UBE2D3: variants seen among roughly 807,000 people sequenced by gnomAD.
The protein encoded by UBE2D3 is ubiquitin-conjugating enzyme E2 D3.
Under a neutral mutation model 22.8 loss-of-function variants are expected in UBE2D3, and 2 were observed. The ratio of observed to expected loss-of-function variants is 0.09; its 90% confidence interval spans 0.04 to 0.28. The LOEUF is 0.28. Among genes scored for constraint, UBE2D3 ranks in the 10% least tolerant of loss-of-function variants. UBE2D3 has a pLI of 1.00. For missense variants in UBE2D3, 27 were observed against 182.5 expected, an observed-to-expected ratio of 0.15 and a Z score of 4.91; for synonymous variants, 56 against 60.4, an observed-to-expected ratio of 0.93 and a Z score of 0.34.
In UBE2D3 at chr4:102,797,475, GT is replaced by G; in HGVS notation, c.399-16del. 6.3e-7 allele frequency: 1 copy of G among 1,586,428 alleles called. No homozygotes were observed. Among genetic ancestry groups the G allele is most frequent in the Non-Finnish European group, 8.6e-7 (1 of 1,163,676 alleles). ...TTCTGTTGTACCTGTAAATAAAGAT[GT>G]TATTTTTAAAAGTTAAAATAAAGAA... On this transcript the variant is annotated splice_polypyrimidine_tract_variant and intron_variant, in intron 7 of 7. Coordinates refer to ENST00000453744, the MANE Select transcript of UBE2D3 (RefSeq NM_181891.3).
Position 102,824,573 on chromosome 4 carries a change from T to C in UBE2D3, c.24+1912A>G, listed in dbSNP as rs1322446692. On this transcript the variant is annotated intron_variant, in intron 2 of 7. Transcript: ENST00000453744. ...CAGAGCTAGAATTCTAACTGGAGCATTTCTGCTCCAATGTTTACACTCTTA... is the reference window on the plus strand; with the variant it reads ...CAGAGCTAGAATTCTAACTGGAGCACTTCTGCTCCAATGTTTACACTCTTA... 2.6e-5 allele frequency among the ~76,000 whole-genome samples: 4 copies of C among 152,362 alleles called. No individual in the cohort carries two copies. The East Asian group carries it at 7.7e-4, about 29-fold the overall frequency.
chr4:102,803,650 T>C (rs1726554924), intron 4 of UBE2D3, among the ~76,000 whole-genome samples: 2 of 152,346 alleles, frequency 1.3e-5, no homozygotes, highest in Non-Finnish European at 1.5e-5. Context: ...ACATGTAAAG[T>C]AACTGCAATG....
At chr4:102,803,866 T>TCAAGCAACTCTCCTGCCTC (rs1266241070) in intron 4 of UBE2D3, among the ~76,000 whole-genome samples, 1 of 152,174 alleles carries the variant, frequency 6.6e-6, no homozygotes, top group Non-Finnish European at 1.5e-5. Flanking sequence ...CCTCCTGGGT[T>TCAAGCAACTCTCCTGCCTC]CAAGCAACTC....
intron 2 of UBE2D3, chr4:102,811,093 T>G (rs904256797): frequency 1.3e-5 from 2 of 152,222 alleles, no homozygotes. Context: ...CTCATGCCTG[T>G]AATCCTAACA....
intron 2 of UBE2D3, chr4:102,810,434 C>T (rs1265086617): frequency 1.5e-5 from 2 of 134,594 alleles, no homozygotes; most frequent in African/African-American, 5.8e-5. Context: ...TTTTTTGAGA[C>T]GGAGTCTCCA....
At chr4:102,820,986 G>C (rs139845645) in intron 2 of UBE2D3, among the ~76,000 whole-genome samples, 16 of 152,258 alleles carry the variant, frequency 1.1e-4, no homozygotes, top group South Asian at 1.0e-3. Context: ...ATAAAAATCA[G>C]ATGTTTCAAC....
intron 1 of UBE2D3, among the ~76,000 whole-genome samples, chr4:102,841,300 A>C (rs1375820636): frequency 6.6e-6 from 1 of 152,194 alleles, no homozygotes; most frequent in East Asian, 1.9e-4. Context: ...TATATGTAAT[A>C]GGAAGCTATT....
chr4:102,853,135 ATTTTTTTTTT>A lies in UBE2D3; in HGVS notation c.-129+15570_-129+15579del, dbSNP rs151339235. ...GTCAAAATTACACACAAACACACAC[ATTTTTTTTTT>A]TTTTTTTTTTTTTTTGAGACGGAGT... On this transcript the variant is annotated intron_variant, in intron 1 of 7. Transcript: ENST00000338145. Among the ~76,000 whole-genome samples the A allele has an allele frequency of 6.2e-4, 55 of 88,608 alleles. 3 individuals carry two copies. Among genetic ancestry groups the A allele is most frequent in the African/African-American group, 2.5e-3 (52 of 21,088 alleles). 58.1% of individuals were successfully genotyped at this position (88,608 alleles called of 152,430 possible).
In UBE2D3 at chr4:102,865,211, C is replaced by T. The variant is rs529391533; in HGVS notation, c.-129+3504G>A. Among the ~76,000 whole-genome samples, 8 of 152,070 alleles carry T rather than the reference C, an allele frequency of 5.3e-5. No individual in the cohort carries two copies. The South Asian group carries it at 1.5e-3, about 28-fold the overall frequency. ...ATTTCAGTATAAAAACAGACATACA[C>T]GGCCAGGCACGGTGGCTCACGCCTG... is the stretch of plus-strand genomic sequence containing the variant. On this transcript the variant is annotated intron_variant, in intron 1 of 7. Transcript: ENST00000338145.
intron 4 of UBE2D3, among the ~76,000 whole-genome samples, chr4:102,805,900 C>CTCA (rs1053629548): frequency 1.3e-5 from 2 of 152,160 alleles, no homozygotes; most frequent in Non-Finnish European, 2.9e-5. Context: ...AAACCAGGAT[C>CTCA]TCATCATCAA....
At chr4:102,847,884 G>A (rs575716646) in intron 1 of UBE2D3, among the ~76,000 whole-genome samples, 35 of 152,140 alleles carry the variant, frequency 2.3e-4, no homozygotes, top group Middle Eastern at 3.4e-3. Context: ...GGCTTCAAGA[G>A]ATCCTCCCAC....
At position 102,794,723 on chromosome 4, in the gene UBE2D3, G is replaced by A. The variant is rs1312185119; in HGVS notation, c.*2692C>T. 6.6e-6 allele frequency: 1 copy of A among 151,614 alleles called. No individual in the cohort carries two copies. Among genetic ancestry groups the A allele is most frequent in the African/African-American group, 2.4e-5 (1 of 41,272 alleles). 9.4% of individuals were successfully genotyped at this position (151,614 alleles called of 1,614,324 possible). On this transcript the variant is annotated 3_prime_UTR_variant, in exon 8 of 8. Coordinates refer to ENST00000453744, the MANE Select transcript of UBE2D3 (RefSeq NM_181891.3). ...ACCCCTGAGACCACTAGTTAACTGT[G>A]GTTCATACTTTAAAATGTGAGTACA... is the stretch of plus-strand genomic sequence containing the variant.
upstream of UBE2D3, chr4:102,827,984 G>T (rs1730854783): frequency 2.0e-6 from 2 of 985,362 alleles, no homozygotes; most frequent in Admixed American, 6.1e-5. Flanking sequence ...CTTCGTGGCT[G>T]GCTAACCGAA....
At chr4:102,834,765 T>A (rs183603620) in intron 1 of UBE2D3, among the ~76,000 whole-genome samples, 4 of 151,194 alleles carry the variant, frequency 2.6e-5, no homozygotes, top group Non-Finnish European at 5.9e-5. Context: ...AAAAAAAGAT[T>A]CAACTTTTTT....
chr4:102,819,336 A>C (rs529827746), intron 2 of UBE2D3, among the ~76,000 whole-genome samples: 1 of 152,070 alleles, frequency 6.6e-6, no homozygotes, highest in South Asian at 2.1e-4. Context: ...CCTCAAAAAA[A>C]AAAAAAAAAA....
In UBE2D3 at chr4:102,797,064, C is replaced by A. The variant is rs1391661151; in HGVS notation, c.*351G>T. 3 of 182,878 alleles carry A rather than the reference C, an allele frequency of 1.6e-5. No homozygotes were observed. Among genetic ancestry groups the A allele is most frequent in the Non-Finnish European group, 2.3e-5 (2 of 87,010 alleles). 11.3% of individuals were successfully genotyped at this position (182,878 alleles called of 1,614,324 possible). On this transcript the variant is annotated 3_prime_UTR_variant, in exon 8 of 8. Coordinates refer to ENST00000453744, the MANE Select transcript of UBE2D3 (RefSeq NM_181891.3). ...CATCTCCCTCCCCCTCAGATGATTT[C>A]TTCAGCATGTTAGAGCAGTGAGGAA...
intron 1 of UBE2D3, among the ~76,000 whole-genome samples, chr4:102,834,145 T>C (rs1731263033): frequency 1.3e-5 from 2 of 152,208 alleles, no homozygotes. Context: ...TCCACTGCCA[T>C]TATCAATTGC....
intron 2 of UBE2D3, chr4:102,811,834 T>C (rs573401199): frequency 7.5e-4 from 319 of 424,142 alleles, no homozygotes; most frequent in African/African-American, 5.2e-3. Flanking sequence ...TTGGATAACA[T>C]AGTGAGACCC....
chr4:102,827,925 C>T (rs563599902), upstream of UBE2D3: 20 of 985,556 alleles, frequency 2.0e-5, 1 homozygote, highest in South Asian at 7.0e-4. Context: ...CTCCCCACAG[C>T]GTCCCCCAGT....
Sources: gnomAD v4.1 joint callset for allele counts (sites outside exome capture counted in the v4.1 genomes callset) on GRCh38, gnomAD v4.1.1 for gene constraint, MANE v1.5 for transcripts, NCBI Gene and HGNC (gene_info 2026-07-23, HGNC 2026-07-21) for gene names.